The following TBC1D30 variants were observed in gnomAD, a reference collection of about 807,000 sequenced individuals.
TBC1D30 encodes the protein TBC1 domain family member 30.
In TBC1D30, 31 loss-of-function variants were observed where a neutral mutation model predicts 63.2. The ratio of observed to expected loss-of-function variants is 0.49; its 90% CI spans 0.37 to 0.66. The LOEUF is 0.66. Among genes scored for constraint, TBC1D30 ranks in the 30% least tolerant of loss-of-function variants. TBC1D30 has a pLI of 0.00. For synonymous variants in TBC1D30, 307 were observed against 361.5 expected (o/e 0.85, Z 1.71); for missense variants, 810 against 953.6 (o/e 0.85, Z 1.98).
At chr12:64,867,051 C>A in intron 10 of TBC1D30, 148 bp downstream of exon 10, 1 of 891,282 alleles carries the variant, frequency 1.1e-6, no homozygotes, top group Non-Finnish European at 1.6e-6. Context: ...GTGGGTCATG[C>A]CTGTAAGCCC....
upstream of TBC1D30, among the ~76,000 whole-genome samples, chr12:64,780,506 TG>T (rs1165207816): frequency 1.3e-5 from 2 of 152,274 alleles, no homozygotes; most frequent in Admixed American, 6.5e-5. Context: ...AACGGTGTTC[TG>T]GCCACGTCCT....
chr12:64,827,902 T>C lies in TBC1D30; in HGVS notation c.216+6T>C. The C allele has an allele frequency of 6.5e-7, 1 of 1,532,262 alleles. No homozygotes were observed. The highest frequency in any genetic ancestry group is 8.7e-7 in the Non-Finnish European group (1 of 1,144,564). 94.9% of individuals were successfully genotyped at this position (1,532,262 alleles called of 1,614,324 possible). A position where few individuals can be genotyped will look rare whatever the true frequency, so the allele number is the denominator to read the frequency against. ...GTCAAAATGGTTTTCAGCAGGTAAC[T>C]TTGATTTTGAAAACACTCTTCTTTT... On this transcript the variant is annotated splice_donor_region_variant and intron_variant, in intron 2 of 11. Transcript: ENST00000539867.
At chr12:64,784,838 A>G (rs955775837) in intron 1 of TBC1D30, among the ~76,000 whole-genome samples, 4 of 149,778 alleles carry the variant, frequency 2.7e-5, no homozygotes, top group Admixed American at 6.7e-5. Context: ...CATACTCTGC[A>G]CATGTATCCT....
chr12:64,880,545 G>C lies in TBC1D30; in HGVS notation c.*4757G>C. On this transcript the variant is annotated 3_prime_UTR_variant, in exon 12 of 12. Coordinates refer to ENST00000539867, the MANE Select transcript of TBC1D30 (RefSeq NM_015279.2). ...GTATGTTTTGGTCTCTTCCTCTTCT[G>C]ATAAGGGCACTAACCTCATCATGAG... 1 of 152,172 alleles carries C rather than the reference G, an allele frequency of 6.6e-6. No homozygotes were observed. Among genetic ancestry groups the C allele is most frequent in the African/African-American group, 2.4e-5 (1 of 41,422 alleles). The allele number at this position is 152,172 out of a possible 1,614,324, so 9.4% of individuals were successfully genotyped here.
intron 8 of TBC1D30, among the ~76,000 whole-genome samples, chr12:64,856,822 G>A (rs910854693): frequency 2.0e-5 from 3 of 152,100 alleles, no homozygotes; most frequent in Non-Finnish European, 4.4e-5. Context: ...AGTTCTTCCT[G>A]CTCTTCCCTC....
intron 1 of TBC1D30, among the ~76,000 whole-genome samples, chr12:64,775,035 G>C (rs1282798352): frequency 2.0e-5 from 3 of 151,782 alleles, no homozygotes; most frequent in Non-Finnish European, 2.9e-5. Context: ...AGAGGTTGCA[G>C]TGAGCCGAGA....
At chr12:64,781,125 A>G (rs1014642666) in exon 1 of TBC1D30, 4 of 1,006,594 alleles carry the variant, frequency 4.0e-6, no homozygotes, top group African/African-American at 1.8e-5. Context: ...CGCGGGGCCG[A>G]GGGCCGCCGG....
chr12:64,825,611 A>G (rs1289550890), intron 1 of TBC1D30: 1 of 152,936 alleles, frequency 6.5e-6, no homozygotes, highest in Non-Finnish European at 1.5e-5. Flanking sequence ...AGGTCCAGGA[A>G]CGAGCCTGGT....
chr12:64,815,751 C>T (rs1160293196), intron 2 of TBC1D30, among the ~76,000 whole-genome samples: 2 of 152,070 alleles, frequency 1.3e-5, no homozygotes, highest in African/African-American at 4.8e-5. Flanking sequence ...AACTCTTAAA[C>T]AATGAGAATA....
chr12:64,761,551 A>G (rs1870513350), intron 1 of TBC1D30, among the ~76,000 whole-genome samples: 1 of 152,230 alleles, frequency 6.6e-6, no homozygotes. Flanking sequence ...AAAACCCACC[A>G]AAACCAAGAT....
At chr12:64,844,530 A>G (rs1160593029) in intron 8 of TBC1D30, among the ~76,000 whole-genome samples, 1 of 152,224 alleles carries the variant, frequency 6.6e-6, no homozygotes, top group Non-Finnish European at 1.5e-5. Context: ...AGACAATCCA[A>G]TTATACTTTT....
chr12:64,843,519 G>A, intron 8 of TBC1D30, 34 bp downstream of exon 8: 4 of 1,507,736 alleles, frequency 2.7e-6, no homozygotes, highest in Non-Finnish European at 3.6e-6. Context: ...TTGGCTCGGG[G>A]AACCCCGGGC....
chr12:64,830,234 C>T lies in TBC1D30; in HGVS notation c.283-143C>T. 9.6e-6 allele frequency: 7 copies of T among 732,874 alleles called. No homozygotes were observed. The South Asian group carries it at 2.1e-4, about 22-fold the overall frequency. 45.4% of individuals were successfully genotyped at this position (732,874 alleles called of 1,614,324 possible). A position where few individuals can be genotyped will look rare whatever the true frequency, so the allele number is the denominator to read the frequency against. On this transcript the variant is annotated intron_variant, in intron 3 of 11. Transcript: ENST00000539867. ...GTGCAACAAACATTTCAGTGAGACT[C>T]TTGTAGATTTCTACTTATGAGCGAT...
chr12:64,866,894 CAAATT>C lies in TBC1D30; in HGVS notation c.1286_1290del (p.Ile429ArgfsTer4). The C allele has an allele frequency of 1.3e-6, 2 of 1,535,930 alleles. No individual in the cohort carries two copies. The highest frequency in any genetic ancestry group is 1.2e-5 in the South Asian group (1 of 84,034). On this transcript the variant is annotated frameshift_variant, in exon 10 of 12. Transcript: ENST00000539867. LOFTEE classifies it high-confidence loss of function. The stretch of plus-strand genomic sequence containing the variant: ...TCCTGAACTGCAGAAGTACCAAAAA[CAAATT>C]AAAGGTAAAGAGGTGGCTCTTGATT...
intron 1 of TBC1D30, among the ~76,000 whole-genome samples, chr12:64,764,843 A>G (rs1160608563): frequency 2.0e-5 from 3 of 152,222 alleles, no homozygotes; most frequent in African/African-American, 4.8e-5. Context: ...ACAGGGTGAA[A>G]CACCACCAGA....
intron 2 of TBC1D30, chr12:64,818,450 T>C: frequency 1.0e-6 from 1 of 974,896 alleles, no homozygotes; most frequent in Non-Finnish European, 1.2e-6. Flanking sequence ...ATTTTTTTTT[T>C]TTTAGACAGT....
Position 64,824,969 on chromosome 12 carries a change from T to C in TBC1D30, c.90T>C (p.Asn30=), listed in dbSNP as rs902988018. The change falls in exon 1 of 12, where the codon AAT becomes AAC. Residue 30 remains asparagine, a synonymous_variant. Coordinates refer to ENST00000539867, the MANE Select transcript of TBC1D30 (RefSeq NM_015279.2). ...GCGGCGTGGGCACCATCCTGAGCAA[T>C]GTGCTCAAGAAGCGCAGCTGCATTT... ...QGGGVGTILS[N]VLKKRSCISR... The C allele has an allele frequency of 1.8e-5, 28 of 1,534,586 alleles. No homozygotes were observed. The Admixed American group carries it at 4.1e-4, about 23-fold the overall frequency.
intron 10 of TBC1D30, chr12:64,868,158 T>G (rs1227270911): frequency 6.0e-6 from 1 of 166,058 alleles, no homozygotes; most frequent in Non-Finnish European, 1.3e-5. Flanking sequence ...GATATCATAT[T>G]TACCAAGAGA....
At chr12:64,860,196 T>C (rs1319612597) in intron 8 of TBC1D30, among the ~76,000 whole-genome samples, 2 of 151,888 alleles carry the variant, frequency 1.3e-5, no homozygotes, top group Non-Finnish European at 1.5e-5. Flanking sequence ...TTTTAAATTT[T>C]TTGTAGAGAT....
Sources: allele counts gnomAD v4.1 joint callset (sites outside exome capture counted in the v4.1 genomes callset), GRCh38; gene constraint gnomAD v4.1.1; transcripts MANE v1.5; gene names NCBI Gene and HGNC (gene_info 2026-07-23, HGNC 2026-07-21).